The following CIMAP3 variants were observed in gnomAD, a reference collection of about 807,000 sequenced individuals.
CIMAP3 encodes ciliary microtubule associated protein 3, also known as ciliary microtubule-associated protein 3.
chr1:111,335,161 A>AAAAT, the CIMAP3 span, among the ~76,000 whole-genome samples: 1 of 128,292 alleles, frequency 7.8e-6, no homozygotes, highest in Non-Finnish European at 1.7e-5. Flanking sequence ...AAAGACAGAA[A>AAAAT]AAAAAAGAAA....
chr1:111,347,826 A>C, the CIMAP3 span: 11 of 1,278,554 alleles, frequency 8.6e-6, no homozygotes, highest in East Asian at 2.3e-5. Context: ...TTTGCACAGG[A>C]GTGCAAAGGG....
the CIMAP3 span, chr1:111,351,941 C>T: frequency 6.6e-6 from 1 of 152,188 alleles, no homozygotes; most frequent in African/African-American, 2.4e-5. Context: ...GAGCAGTAAG[C>T]ACTGGGGATA....
chr1:111,346,764 G>T, the CIMAP3 span: 1 of 1,551,248 alleles, frequency 6.4e-7, no homozygotes. Context: ...AGTGCAGTTC[G>T]CCCCCCTCCA....
chr1:111,343,630 A>T, the CIMAP3 span, among the ~76,000 whole-genome samples: 1 of 152,274 alleles, frequency 6.6e-6, no homozygotes, highest in Non-Finnish European at 1.5e-5. Context: ...GAAATTCTGC[A>T]TTAGCCTATT....
At chr1:111,336,034 G>A in the CIMAP3 span, among the ~76,000 whole-genome samples, 1,312 of 152,256 alleles carry the variant, frequency 8.6e-3, 17 homozygotes, top group African/African-American at 0.027. Context: ...AGCAGCATTC[G>A]CGGTTCATGA....
the CIMAP3 span, among the ~76,000 whole-genome samples, chr1:111,329,544 T>TATATAC: frequency 1.1e-5 from 1 of 88,474 alleles, no homozygotes; most frequent in Non-Finnish European, 2.3e-5. Flanking sequence ...TATATATATA[T>TATATAC]ATATATATAT....
the CIMAP3 span, among the ~76,000 whole-genome samples, chr1:111,337,787 T>C: frequency 7.3e-3 from 1,117 of 152,102 alleles, 15 homozygotes; most frequent in African/African-American, 0.025. Context: ...GACAGATCAA[T>C]GAGGCAGAAA....
At chr1:111,325,068 C>G in the CIMAP3 span, among the ~76,000 whole-genome samples, 1 of 152,286 alleles carries the variant, frequency 6.6e-6, no homozygotes, top group East Asian at 1.9e-4. Context: ...GGGCCAGCTC[C>G]CATCTTAATA....
At chr1:111,348,908 A>G in the CIMAP3 span, 5 of 279,102 alleles carry the variant, frequency 1.8e-5, no homozygotes, top group South Asian at 2.6e-4. Flanking sequence ...TCCATCACAC[A>G]AGGCTCCTGA....
chr1:111,347,743 A>G, the CIMAP3 span: 2 of 1,613,172 alleles, frequency 1.2e-6, no homozygotes, highest in African/African-American at 2.7e-5. Flanking sequence ...GGGAGCCAGA[A>G]CAGCTGTGAG....
At chr1:111,335,396 G>A in the CIMAP3 span, among the ~76,000 whole-genome samples, 1 of 152,138 alleles carries the variant, frequency 6.6e-6, no homozygotes, top group Non-Finnish European at 1.5e-5. Flanking sequence ...GCAGGGCAAG[G>A]CATTGCCTCA....
chr1:111,346,831 C>T, the CIMAP3 span: 1 of 1,586,084 alleles, frequency 6.3e-7, no homozygotes, highest in Non-Finnish European at 8.6e-7. Context: ...GCTCAGTCTC[C>T]CCGACCTTCC....
the CIMAP3 span, among the ~76,000 whole-genome samples, chr1:111,329,515 CCATATATATATATATATA>C: frequency 1.3e-5 from 1 of 76,986 alleles, no homozygotes; most frequent in East Asian, 4.4e-4. Flanking sequence ...TCACATAAAC[CCATATATATATATATATA>C]TATATATATA....
chr1:111,350,264 C>A, the CIMAP3 span: 1 of 1,487,880 alleles, frequency 6.7e-7, no homozygotes, highest in South Asian at 1.1e-5. Flanking sequence ...CTTATTCGAT[C>A]TAGTACTTTC....
the CIMAP3 span, chr1:111,346,711 T>G: frequency 1.9e-6 from 3 of 1,600,864 alleles, no homozygotes; most frequent in Non-Finnish European, 8.6e-7. Context: ...AGAGGGCAGG[T>G]AGGGGGAAGG....
At chr1:111,348,826 T>C in the CIMAP3 span, 1 of 616,136 alleles carries the variant, frequency 1.6e-6, no homozygotes, top group South Asian at 3.0e-5. Context: ...TGTAGAATCA[T>C]AGTTACTCAT....
chr1:111,343,726 T>G, the CIMAP3 span, among the ~76,000 whole-genome samples: 4 of 152,240 alleles, frequency 2.6e-5, no homozygotes, highest in African/African-American at 4.8e-5. Flanking sequence ...CTGGCTTTAC[T>G]GAAAAGTTGA....
At chr1:111,324,879 C>T in the CIMAP3 span, 32 of 984,796 alleles carry the variant, frequency 3.2e-5, no homozygotes, top group Non-Finnish European at 3.7e-5. Context: ...ACATCTGGAA[C>T]TTTGGTAATG....
chr1:111,346,836 C>T, the CIMAP3 span: 4 of 1,586,946 alleles, frequency 2.5e-6, no homozygotes, highest in Non-Finnish European at 3.4e-6. Context: ...GTCTCCCCGA[C>T]CTTCCCCTCC....
Sources: gnomAD v4.1 joint callset for allele counts (sites outside exome capture counted in the v4.1 genomes callset) on GRCh38, gnomAD v4.1.1 for gene constraint, MANE v1.5 for transcripts, NCBI Gene and HGNC (gene_info 2026-07-23, HGNC 2026-07-21) for gene names.